SWT1: variants seen among roughly 807,000 people sequenced by gnomAD.
SWT1 encodes transcriptional protein SWT1.
Under a neutral mutation model 107.3 loss-of-function variants are expected in SWT1, and 33 were observed. That is an observed-to-expected ratio of 0.31 (90% CI 0.23 to 0.41). The LOEUF (loss-of-function observed/expected upper bound fraction) is 0.41. SWT1 is among the 10% of genes least tolerant of loss of function. SWT1 has a pLI of 1.00. For synonymous variants in SWT1, 345 were observed against 348.3 expected, an observed-to-expected ratio of 0.99 and a Z score of 0.11; for missense variants, 898 against 1,028.9, an observed-to-expected ratio of 0.87 and a Z score of 1.74.
intron 10 of SWT1, among the ~76,000 whole-genome samples, chr1:185,192,924 A>T (rs368262775): frequency 7.9e-5 from 12 of 152,192 alleles, no homozygotes; most frequent in African/African-American, 2.4e-4. Flanking sequence ...CTGGAATTAC[A>T]AGTATGAGCC....
intron 9 of SWT1, among the ~76,000 whole-genome samples, chr1:185,185,547 A>T (rs1232637229): frequency 2.0e-5 from 3 of 152,108 alleles, no homozygotes; most frequent in African/African-American, 4.8e-5. Flanking sequence ...TATTTAGAAG[A>T]TTTATTTCAT....
intron 9 of SWT1, among the ~76,000 whole-genome samples, chr1:185,186,469 A>C (rs1284855986): frequency 6.6e-6 from 1 of 152,210 alleles, no homozygotes; most frequent in East Asian, 1.9e-4. Flanking sequence ...AATAGTGTTC[A>C]TTATAGCATT....
intron 16 of SWT1, 60 bp downstream of exon 16, chr1:185,231,768 C>A: frequency 7.2e-7 from 1 of 1,390,816 alleles, no homozygotes; most frequent in Non-Finnish European, 9.9e-7. Flanking sequence ...TTCTCCTAGG[C>A]TTACCAACTT....
chr1:185,221,859 A>G lies in SWT1; in HGVS notation c.2132A>G (p.Lys711Arg), dbSNP rs776618594. 1.9e-6 allele frequency: 3 copies of G among 1,589,774 alleles called. No individual in the cohort carries two copies. In the South Asian group the frequency reaches 3.5e-5, roughly 18 times the overall value. Residue 711 changes from lysine (K) to arginine (R), a missense_variant, in exon 15 of 19, where the codon AAA becomes AGA. Physicochemically the swap from Lys to Arg is conservative, Grantham distance 26 (BLOSUM62 2). Around this residue, in one of 6 missense-constraint regions of SWT1, gnomAD observed 382 missense variants for 460.0 expected, o/e 0.83. Coordinates refer to ENST00000367500, the MANE Select transcript of SWT1 (RefSeq NM_017673.7). The part of the protein sequence containing the change: ...LLQTFAEVKT[K>R]LKPNSSENTV... ...TTCTTATTTCCCCAGGTCAAGACAA[A>G]ACTTAAGCCAAATTCTTCAGAAAAC... is the stretch of plus-strand genomic sequence containing the variant.
In SWT1 at chr1:185,173,376, G is replaced by A. The variant is rs142793844; in HGVS notation, c.225-996G>A. On this transcript the variant is annotated intron_variant, in intron 4 of 18. Coordinates refer to ENST00000367500, the MANE Select transcript of SWT1 (RefSeq NM_017673.7). ...GTTATCCTTTGTTATTTCTCCCACT[G>A]TTTTTAAGTTTGGGAAGTTCTCTAT... is the stretch of plus-strand genomic sequence containing the variant. Among the ~76,000 whole-genome samples the A allele has an allele frequency of 2.6e-5, 4 of 152,048 alleles. No individual in the cohort carries two copies. The East Asian group carries it at 7.7e-4, about 29-fold the overall frequency.
chr1:185,202,960 A>C (rs931715167), intron 11 of SWT1, among the ~76,000 whole-genome samples, 161 bp downstream of exon 11: 2 of 152,226 alleles, frequency 1.3e-5, no homozygotes, highest in Non-Finnish European at 2.9e-5. Context: ...GGAAGTTATG[A>C]TGGTAATCCA....
Position 185,291,760 on chromosome 1 carries a change from A to G in SWT1, c.*957A>G, listed in dbSNP as rs1571729011. ...ATGATTATAAAAGTGACTGTCTGCA[A>G]TAAAAGAGAACTTGTTCAGGATATT... On this transcript the variant is annotated 3_prime_UTR_variant, in exon 19 of 19. Coordinates refer to ENST00000367500, the MANE Select transcript of SWT1 (RefSeq NM_017673.7). 2.0e-5 allele frequency: 3 copies of G among 152,654 alleles called. No individual in the cohort carries two copies. In the South Asian group the frequency reaches 6.2e-4, roughly 32 times the overall value. The allele number at this position is 152,654 out of a possible 1,614,324, so 9.5% of individuals were successfully genotyped here. A position where few individuals can be genotyped will look rare whatever the true frequency, so the allele number is the denominator to read the frequency against.
chr1:185,185,455 A>G (rs1308440008), intron 9 of SWT1, among the ~76,000 whole-genome samples: 1 of 152,078 alleles, frequency 6.6e-6, no homozygotes, highest in African/African-American at 2.4e-5. Context: ...GAAGCTAAGG[A>G]TGTTCTTTAT....
intron 15 of SWT1, among the ~76,000 whole-genome samples, chr1:185,224,016 C>T (rs1659870994): frequency 6.6e-6 from 1 of 152,208 alleles, no homozygotes; most frequent in Non-Finnish European, 1.5e-5. Context: ...ATGGATGGAG[C>T]TGGAGGCCAT....
Position 185,238,410 on chromosome 1 carries a change from A to T in SWT1, c.2441+6702A>T, listed in dbSNP as rs567599803. On this transcript the variant is annotated intron_variant, in intron 16 of 18. Coordinates refer to ENST00000367500, the MANE Select transcript of SWT1 (RefSeq NM_017673.7). ...GAGCAAGGTGTTGGTATTACTAACC[A>T]TCAGCAATTCTTAACTTGTTTGTTG... Among the ~76,000 whole-genome samples the T allele has an allele frequency of 9.2e-5, 14 of 152,288 alleles. No homozygotes were observed. The South Asian group carries it at 2.7e-3, about 29-fold the overall frequency.
intron 6 of SWT1, 48 bp downstream of exon 6, chr1:185,180,498 A>T (rs781323177): frequency 7.4e-7 from 1 of 1,342,508 alleles, no homozygotes; most frequent in Admixed American, 1.7e-5. Flanking sequence ...AAATTAAGTC[A>T]GTTCCTACTT....
At chr1:185,266,315 T>C (rs1053674867) in intron 16 of SWT1, among the ~76,000 whole-genome samples, 8 of 152,144 alleles carry the variant, frequency 5.3e-5, no homozygotes, top group East Asian at 3.9e-4. Flanking sequence ...CTGCCCGCCT[T>C]GGCCTCCCAA....
chr1:185,204,630 A>G (rs1658163924), intron 11 of SWT1, 70 bp from the exon 12 acceptor site: 2 of 732,338 alleles, frequency 2.7e-6, no homozygotes, highest in Non-Finnish European at 2.2e-6. Context: ...GTTTATGGCA[A>G]TATACTAATT....
In SWT1 at chr1:185,240,484, T is replaced by C. The variant is rs1009445757; in HGVS notation, c.2441+8776T>C. On this transcript the variant is annotated intron_variant, in intron 16 of 18. Coordinates refer to ENST00000367500, the MANE Select transcript of SWT1 (RefSeq NM_017673.7). ...GGACATGCTTTTATATTAAAAGATA[T>C]CTCAAGTGTATATAGCTTAGTTTTT... Among the ~76,000 whole-genome samples the C allele has an allele frequency of 6.6e-5, 10 of 152,098 alleles. No individual in the cohort carries two copies. In the East Asian group the frequency reaches 1.9e-3, roughly 29 times the overall value.
At chr1:185,239,724 A>G (rs973230277) in intron 16 of SWT1, among the ~76,000 whole-genome samples, 6 of 152,040 alleles carry the variant, frequency 3.9e-5, no homozygotes, top group Non-Finnish European at 8.8e-5. Context: ...CAGATAGACA[A>G]AAGTGTTTTA....
intron 13 of SWT1, among the ~76,000 whole-genome samples, chr1:185,214,135 G>T (rs1659037847): frequency 6.6e-6 from 1 of 152,120 alleles, no homozygotes; most frequent in South Asian, 2.1e-4. Context: ...TCACTCTTCT[G>T]ATCTCTCCAC....
At chr1:185,227,875 A>C (rs1660194601) in intron 15 of SWT1, among the ~76,000 whole-genome samples, 1 of 151,948 alleles carries the variant, frequency 6.6e-6, no homozygotes, top group Non-Finnish European at 1.5e-5. Context: ...GGATTGCTTC[A>C]GTCGAAGAGT....
At chr1:185,220,417 C>G (rs1288063692) in intron 14 of SWT1, among the ~76,000 whole-genome samples, 1 of 152,040 alleles carries the variant, frequency 6.6e-6, no homozygotes, top group Non-Finnish European at 1.5e-5. Context: ...AGTCCTTCTT[C>G]AGCACTTGGT....
At chr1:185,260,028 A>C (rs1483438885) in intron 16 of SWT1, among the ~76,000 whole-genome samples, 1 of 152,216 alleles carries the variant, frequency 6.6e-6, no homozygotes, top group African/African-American at 2.4e-5. Context: ...TGAGTACTTT[A>C]GAAATGCCTT....
Sources: gnomAD v4.1 joint callset for allele counts (sites outside exome capture counted in the v4.1 genomes callset) on GRCh38, gnomAD v4.1.1 for gene constraint, gnomAD v4.1.1 regional missense constraint, MANE v1.5 for transcripts, NCBI Gene and HGNC (gene_info 2026-07-23, HGNC 2026-07-21) for gene names.